Variants in KCND2 observed in about 807,000 individuals in gnomAD.
KCND2 encodes the protein potassium voltage-gated channel subfamily D member 2.
Under a neutral mutation model 54.4 loss-of-function variants are expected in KCND2, and 16 were observed. That is an observed-to-expected ratio of 0.29 (90% confidence interval 0.20 to 0.45). The LOEUF is 0.45. KCND2 is among the 20% of genes least tolerant of loss of function. The pLI, the probability that KCND2 is intolerant of heterozygous loss-of-function variation, is 1.00. For missense variants in KCND2, 486 were observed against 824.2 expected (o/e 0.59, Z 5.02); for synonymous variants, 317 against 310.7 (o/e 1.02, Z -0.21).
At chr7:120,452,563 T>C (rs1802129380) in intron 1 of KCND2, among the ~76,000 whole-genome samples, 1 of 152,124 alleles carries the variant, frequency 6.6e-6, no homozygotes, top group African/African-American at 2.4e-5. Flanking sequence ...CCAGGACCTG[T>C]TCCTGGCCTC....
chr7:120,482,018 A>G (rs74353733), intron 1 of KCND2, among the ~76,000 whole-genome samples: 1,801 of 152,270 alleles, frequency 0.012, 27 homozygotes, highest in African/African-American at 0.04. Context: ...ACTCCAACCT[A>G]TGAGAGCTGC....
intron 1 of KCND2, among the ~76,000 whole-genome samples, chr7:120,611,657 C>G (rs1792956734): frequency 6.6e-6 from 1 of 151,976 alleles, no homozygotes. Flanking sequence ...TAAGAGATAC[C>G]AATATAAAAA....
chr7:120,692,280 A>T (rs909991143), intron 1 of KCND2, among the ~76,000 whole-genome samples: 3 of 152,218 alleles, frequency 2.0e-5, no homozygotes, highest in Non-Finnish European at 4.4e-5. Flanking sequence ...TGCAACAAAG[A>T]TCATTATGGC....
intron 1 of KCND2, among the ~76,000 whole-genome samples, chr7:120,727,240 A>G (rs777040066): frequency 1.3e-5 from 2 of 152,104 alleles, no homozygotes; most frequent in Non-Finnish European, 2.9e-5. Flanking sequence ...TTGAGATATA[A>G]AGACAGCCAC....
chr7:120,502,261 G>A (rs1035463258), intron 1 of KCND2, among the ~76,000 whole-genome samples: 1 of 151,920 alleles, frequency 6.6e-6, no homozygotes, highest in Non-Finnish European at 1.5e-5. Flanking sequence ...AGAGACAATA[G>A]GGTATTGCCT....
chr7:120,730,221 G>A (rs999792532), intron 1 of KCND2, among the ~76,000 whole-genome samples: 9 of 151,552 alleles, frequency 5.9e-5, no homozygotes, highest in South Asian at 2.1e-4. Flanking sequence ...TTTAAAAGCC[G>A]TGTGTGTGTG....
chr7:120,461,593 T>C (rs1046245937), intron 1 of KCND2, among the ~76,000 whole-genome samples: 4 of 152,190 alleles, frequency 2.6e-5, no homozygotes, highest in Admixed American at 6.5e-5. Flanking sequence ...TGCTGCTAAG[T>C]ACTTGAGGTG....
chr7:120,527,208 AC>A (rs1314749439), intron 1 of KCND2, among the ~76,000 whole-genome samples: 3 of 152,156 alleles, frequency 2.0e-5, no homozygotes, highest in African/African-American at 7.2e-5. Flanking sequence ...GAACACGTGA[AC>A]TGGGGGAAAT....
At chr7:120,375,898 A>G (rs1226076872) in intron 1 of KCND2, among the ~76,000 whole-genome samples, 1 of 151,758 alleles carries the variant, frequency 6.6e-6, no homozygotes, top group Non-Finnish European at 1.5e-5. Context: ...TTTAGTGGGA[A>G]AATAATCCTA....
At chr7:120,390,429 A>G (rs1215797886) in intron 1 of KCND2, among the ~76,000 whole-genome samples, 1 of 151,972 alleles carries the variant, frequency 6.6e-6, no homozygotes. Flanking sequence ...TATGTTATCT[A>G]AGTTTAATCC....
At chr7:120,342,171 G>A (rs1255956151) in intron 1 of KCND2, among the ~76,000 whole-genome samples, 1 of 152,160 alleles carries the variant, frequency 6.6e-6, no homozygotes, top group Non-Finnish European at 1.5e-5. Context: ...GAATTTGCAT[G>A]AAAGAGTAAG....
intron 1 of KCND2, among the ~76,000 whole-genome samples, chr7:120,614,014 G>A (rs1792990316): frequency 1.3e-5 from 2 of 149,896 alleles, no homozygotes; most frequent in South Asian, 4.2e-4. Flanking sequence ...AATCTTTGTT[G>A]GATTTTTTTT....
intron 1 of KCND2, among the ~76,000 whole-genome samples, chr7:120,349,972 T>G (rs2116381288): frequency 6.6e-6 from 1 of 152,170 alleles, no homozygotes; most frequent in African/African-American, 2.4e-5. Flanking sequence ...TTATTTTTGA[T>G]ATGTATATAT....
intron 1 of KCND2, among the ~76,000 whole-genome samples, chr7:120,536,074 C>T (rs1003298870): frequency 6.6e-6 from 1 of 152,106 alleles, no homozygotes; most frequent in African/African-American, 2.4e-5. Flanking sequence ...CTCAGAGATA[C>T]TGTGTCGTTC....
chr7:120,598,022 C>T (rs1175104812), intron 1 of KCND2, among the ~76,000 whole-genome samples: 1 of 151,388 alleles, frequency 6.6e-6, no homozygotes, highest in East Asian at 1.9e-4. Flanking sequence ...GAGCATTTAG[C>T]CTCCCCTGAA....
chr7:120,718,294 T>C (rs933637213), intron 1 of KCND2, among the ~76,000 whole-genome samples: 13 of 152,304 alleles, frequency 8.5e-5, no homozygotes, highest in African/African-American at 3.1e-4. Context: ...GATTACACAA[T>C]GATTGTTCCT....
chr7:120,397,077 A>G (rs1022665588), intron 1 of KCND2, among the ~76,000 whole-genome samples: 6 of 152,016 alleles, frequency 3.9e-5, no homozygotes, highest in Admixed American at 6.6e-5. Context: ...AGAAGGCCCT[A>G]TATCTATGAA....
At chr7:120,314,831 A>G (rs1799789571) in intron 1 of KCND2, among the ~76,000 whole-genome samples, 1 of 152,198 alleles carries the variant, frequency 6.6e-6, no homozygotes, top group Non-Finnish European at 1.5e-5. Flanking sequence ...AAAGTATACA[A>G]AATGTTATTT....
chr7:120,411,369 T>C (rs1241175697), intron 1 of KCND2, among the ~76,000 whole-genome samples: 1 of 151,918 alleles, frequency 6.6e-6, no homozygotes, highest in Non-Finnish European at 1.5e-5. Flanking sequence ...GTCATGACTT[T>C]TTTTCTAGAA....
Sources: allele counts gnomAD v4.1 joint callset (sites outside exome capture counted in the v4.1 genomes callset), GRCh38; gene constraint gnomAD v4.1.1; transcripts MANE v1.5; gene names NCBI Gene and HGNC (gene_info 2026-07-23, HGNC 2026-07-21).